KIAA1210: variants seen among roughly 807,000 people sequenced by gnomAD.
KIAA1210 encodes the protein acrosomal protein KIAA1210.
KIAA1210 carries 48 observed loss-of-function variants against 78.9 expected under a neutral mutation model. That is an observed-to-expected ratio of 0.61 (90% CI 0.48 to 0.77). The LOEUF (loss-of-function observed/expected upper bound fraction) is 0.77, where lower values mean the gene tolerates loss of function less well. Among genes scored for constraint, KIAA1210 ranks in the 30% least tolerant of loss-of-function variants. The pLI, the probability that KIAA1210 is intolerant of heterozygous loss-of-function variation, is 0.00. For missense variants in KIAA1210, 1,108 were observed against 1,100.0 expected, an observed-to-expected ratio of 1.01 and a Z score of -0.10; for synonymous variants, 406 against 404.5, an observed-to-expected ratio of 1.00 and a Z score of -0.04.
chrX:119,125,046 C>A (rs1443730349), intron 1 of KIAA1210, among the ~76,000 whole-genome samples: 1 of 111,608 alleles, frequency 9.0e-6, no homozygotes, highest in Admixed American at 9.5e-5. Flanking sequence ...ACAACTTGGT[C>A]TAAAAGGGAC....
Position 119,086,770 on chromosome X carries a change from T to C in KIAA1210, c.3932A>G (p.Gln1311Arg). 8.3e-7 allele frequency: 1 copy of C among 1,211,321 alleles called. No homozygotes were observed. Among genetic ancestry groups the C allele is most frequent in the Non-Finnish European group, 1.1e-6 (1 of 895,266 alleles). The change falls in exon 9 of 12, where the codon CAG (glutamine) becomes CGG (arginine). Residue 1311 changes from glutamine (Q) to arginine (R), a missense_variant. By Grantham distance (43) the Gln-to-Arg change is conservative. Coordinates refer to ENST00000691062, the MANE Select transcript of KIAA1210 (RefSeq NM_001394962.1). ...GVRLKRAPPS[Q>R]KYKSEKQDNF... The stretch of plus-strand genomic sequence containing the variant: ...ATCTTGTTTCTCACTCTTATACTTC[T>C]GCGAGGGAGGGGCTCTTTTCAGTCG...
chrX:119,092,577 C>A (rs915015587), intron 8 of KIAA1210, among the ~76,000 whole-genome samples: 4 of 110,298 alleles, frequency 3.6e-5, no homozygotes, highest in African/African-American at 6.6e-5. Context: ...CTGGCTAACA[C>A]GGTGAAACTC....
At chrX:119,148,017 G>A (rs932484716) in intron 1 of KIAA1210, among the ~76,000 whole-genome samples, 2 of 111,222 alleles carry the variant, frequency 1.8e-5, no homozygotes, top group Non-Finnish European at 3.8e-5. Flanking sequence ...GTAGACACCT[G>A]TAGTCCCATC....
At chrX:119,084,018 A>G (rs923168381) in intron 10 of KIAA1210, among the ~76,000 whole-genome samples, 1 of 107,021 alleles carries the variant, frequency 9.3e-6, no homozygotes, top group African/African-American at 3.4e-5. Context: ...AAAAAAAAAA[A>G]AAAAAAAAAG....
intron 2 of KIAA1210, among the ~76,000 whole-genome samples, chrX:119,140,771 A>G (rs190729563): frequency 1.8e-5 from 2 of 110,346 alleles, no homozygotes; most frequent in Non-Finnish European, 3.8e-5. Context: ...AGTTAAAATT[A>G]TGTCCTTCAA....
At chrX:119,120,937 T>C (rs1344798892) in intron 2 of KIAA1210, among the ~76,000 whole-genome samples, 1 of 111,035 alleles carries the variant, frequency 9.0e-6, no homozygotes, top group Admixed American at 9.6e-5. Context: ...TGACAACCCA[T>C]TGCCAGACAT....
Position 119,089,476 on chromosome X carries a change from G to A in KIAA1210, c.1226C>T (p.Ser409Leu), listed in dbSNP as rs934680222. 4 of 1,211,911 alleles carry A rather than the reference G, an allele frequency of 3.3e-6. No individual in the cohort carries two copies. The highest frequency in any genetic ancestry group is 3.0e-5 in the East Asian group (1 of 33,849). The change falls in exon 9 of 12, where the codon TCG (serine) becomes TTG (leucine). Residue 409 changes from serine to leucine, a missense_variant. Ser to Leu is a moderately radical substitution (Grantham distance 145). Coordinates refer to ENST00000691062, the MANE Select transcript of KIAA1210 (RefSeq NM_001394962.1). ...GTTGTCCTTCTCTAAGGACAAGTGC[G>A]AGAAAGGGACATTCCTGGCAGTCTT... is the stretch of plus-strand genomic sequence containing the variant. Reference protein sequence around the residue: ...TNKTARNVPFSHLSLEKDNME... With the variant: ...TNKTARNVPFLHLSLEKDNME...
intron 2 of KIAA1210, among the ~76,000 whole-genome samples, chrX:119,138,070 T>C (rs1928956745): frequency 9.1e-6 from 1 of 110,424 alleles, no homozygotes; most frequent in Non-Finnish European, 1.9e-5. Context: ...TAGGAGGCCG[T>C]CAAGCTACAG....
At chrX:119,135,595 C>A (rs779460543) in intron 2 of KIAA1210, among the ~76,000 whole-genome samples, 1 of 111,724 alleles carries the variant, frequency 9.0e-6, no homozygotes, top group South Asian at 3.8e-4. Flanking sequence ...AAGAGCTCTG[C>A]CCCCAAATGC....
chrX:119,093,444 C>T (rs1927451525), intron 8 of KIAA1210, among the ~76,000 whole-genome samples: 1 of 111,833 alleles, frequency 8.9e-6, no homozygotes, highest in Non-Finnish European at 1.9e-5. Context: ...AATAAGAATC[C>T]AGGTATGATC....
intron 6 of KIAA1210, among the ~76,000 whole-genome samples, chrX:119,097,634 T>C (rs1453869746): frequency 8.9e-6 from 1 of 112,388 alleles, no homozygotes; most frequent in Non-Finnish European, 1.9e-5. Flanking sequence ...CCCTTGGTAC[T>C]TGCAGCTTTC....
chrX:119,105,026 T>G lies in KIAA1210; in HGVS notation c.614A>C (p.Lys205Thr). The G allele has an allele frequency of 8.3e-7, 1 of 1,210,205 alleles. No individual in the cohort carries two copies. The highest frequency in any genetic ancestry group is 1.1e-6 in the Non-Finnish European group (1 of 894,670). ...DDESPKNPQK[K>T]ALPHKSLTAT... ...TGTCAAACTCTTATGTGGTAAAGCC[T>G]TCTTTTGTGGATTCTTAGGTGACTC... Residue 205 changes from lysine (K) to threonine (T), a missense_variant, in exon 6 of 12, where the codon AAG (lysine) becomes ACG (threonine). Lys to Thr is a moderately conservative substitution (Grantham distance 78, BLOSUM62 -1). Transcript: ENST00000691062.
intron 1 of KIAA1210, among the ~76,000 whole-genome samples, chrX:119,124,010 GT>G (rs1325447272): frequency 1.8e-5 from 2 of 110,783 alleles, no homozygotes; most frequent in Non-Finnish European, 3.8e-5. Context: ...TTTGTTTTTT[GT>G]TTTTTTACAG....
chrX:119,118,452 T>C (rs746115620), intron 2 of KIAA1210, among the ~76,000 whole-genome samples: 1 of 112,508 alleles, frequency 8.9e-6, no homozygotes, highest in South Asian at 3.7e-4. Context: ...TCAACAAAAC[T>C]TTTCTGAAAC....
At chrX:119,137,171 A>T (rs1236014809) in intron 2 of KIAA1210, among the ~76,000 whole-genome samples, 1 of 112,433 alleles carries the variant, frequency 8.9e-6, no homozygotes, top group Non-Finnish European at 1.9e-5. Flanking sequence ...ATCTCATTTA[A>T]TCCTCAGAAC....
In KIAA1210 at chrX:119,083,998, C is replaced by CAA. The variant is rs751363845; in HGVS notation, c.4321-880_4321-879dup. Among the ~76,000 whole-genome samples, 47 of 16,957 alleles carry CAA rather than the reference C, an allele frequency of 2.8e-3. 5 individuals carry two copies. Among genetic ancestry groups the CAA allele is most frequent in the South Asian group, 6.3e-3 (1 of 159 alleles). 14.7% of individuals were successfully genotyped at this position (16,957 alleles called of 115,157 possible). On this transcript the variant is annotated intron_variant, in intron 10 of 11. Coordinates refer to ENST00000691062, the MANE Select transcript of KIAA1210 (RefSeq NM_001394962.1). The stretch of plus-strand genomic sequence containing the variant: ...AGGAAGACAGAGTGAGAACCTGTCT[C>CAA]AAAAAAAAAAAAAAAAAAAAAAAAA...
At chrX:119,109,390 TACA>T (rs1928001243) in intron 3 of KIAA1210, among the ~76,000 whole-genome samples, 188 bp from the exon 4 acceptor site, 1 of 112,009 alleles carries the variant, frequency 8.9e-6, no homozygotes, top group South Asian at 3.7e-4. Context: ...ATTTAATATA[TACA>T]CACATATATA....
chrX:119,131,606 G>A (rs1373270974), upstream of KIAA1210, among the ~76,000 whole-genome samples: 1 of 112,545 alleles, frequency 8.9e-6, no homozygotes, highest in Non-Finnish European at 1.9e-5. Context: ...ATAAAAGGAG[G>A]ATTTAGAGAT....
At chrX:119,120,701 C>T (rs765287947) in intron 2 of KIAA1210, among the ~76,000 whole-genome samples, 6 of 111,957 alleles carry the variant, frequency 5.4e-5, no homozygotes, top group East Asian at 2.8e-4. Flanking sequence ...CTTATTTTCC[C>T]GCAAAGATTC....
Sources: allele counts gnomAD v4.1 joint callset (sites outside exome capture counted in the v4.1 genomes callset), GRCh38; gene constraint gnomAD v4.1.1; transcripts MANE v1.5; gene names NCBI Gene and HGNC (gene_info 2026-07-23, HGNC 2026-07-21).